SPAG9: variants seen among roughly 807,000 people sequenced by gnomAD.
The protein encoded by SPAG9 is C-Jun-amino-terminal kinase-interacting protein 4.
In SPAG9, 35 loss-of-function variants were observed where a neutral mutation model predicts 166.5. That is an observed-to-expected ratio of 0.21 (90% CI 0.16 to 0.28). The LOEUF (loss-of-function observed/expected upper bound fraction) is 0.28. Among genes scored for constraint, SPAG9 ranks in the 10% least tolerant of loss-of-function variants. SPAG9 has a pLI of 1.00. For synonymous variants in SPAG9, 534 were observed against 565.5 expected (o/e 0.94, Z 0.79); for missense variants, 1,235 against 1,603.3 (o/e 0.77, Z 3.92).
rs572067474 is a variant in SPAG9, at chr17:50,970,790, G to A, written c.3767C>T (p.Ser1256Phe). 3.1e-6 allele frequency: 5 copies of A among 1,613,998 alleles called. No homozygotes were observed. The highest frequency in any genetic ancestry group is 4.2e-6 in the Non-Finnish European group (5 of 1,179,994). ...TDLTGDKAGP[S>F]AQEPGSQTPL... The stretch of plus-strand genomic sequence containing the variant: ...CGTCTGACTACCAGGCTCCTGTGCA[G>A]ATGGCCCTGCTTTGTCACCCGTCAG... The change falls in exon 29 of 30, where the codon TCT becomes TTT. Residue 1256 changes from serine (S) to phenylalanine (F), a missense_variant. Transcript: ENST00000262013.
chr17:51,117,354 T>C (rs1428677819), intron 1 of SPAG9, among the ~76,000 whole-genome samples: 1 of 152,116 alleles, frequency 6.6e-6, no homozygotes, highest in Non-Finnish European at 1.5e-5. Context: ...TGCTTTCAAA[T>C]CACTTTTGCT....
intron 2 of SPAG9, among the ~76,000 whole-genome samples, chr17:51,076,894 C>T (rs981724605): frequency 2.0e-5 from 3 of 151,992 alleles, no homozygotes; most frequent in African/African-American, 7.2e-5. Context: ...GGCATAGTGG[C>T]TCATGTCTGA....
At chr17:51,016,909 GAAAAAAAT>G (rs1377656617) in intron 8 of SPAG9, among the ~76,000 whole-genome samples, 1 of 151,718 alleles carries the variant, frequency 6.6e-6, no homozygotes, top group Non-Finnish European at 1.5e-5. Context: ...TCGGAGGAGG[GAAAAAAAT>G]AAAAAAATAA....
intron 1 of SPAG9, among the ~76,000 whole-genome samples, chr17:51,105,418 C>G (rs958891318): frequency 3.9e-5 from 6 of 152,252 alleles, no homozygotes; most frequent in Admixed American, 2.0e-4. Flanking sequence ...TGAGAGCTAA[C>G]TTTTCTGAAT....
intron 1 of SPAG9, among the ~76,000 whole-genome samples, chr17:51,089,256 T>C (rs2048383151): frequency 6.6e-6 from 1 of 151,384 alleles, no homozygotes; most frequent in East Asian, 2.0e-4. Context: ...AAGCCCTGTC[T>C]CTACTAAAAA....
Position 51,021,300 on chromosome 17 carries a change from T to C in SPAG9, c.849A>G (p.Ser283=). The change falls in exon 7 of 30, where the codon TCA becomes TCG. Residue 283 remains serine, a synonymous_variant. Transcript: ENST00000262013. The part of the protein sequence containing the change: ...KATTPASTAN[S]DVATIPTDTP... ...TATCAGTAGGAATTGTTGCCACATC[T>C]GAATTAGCTGTTGATGCTGGAGTGG... The C allele has an allele frequency of 6.2e-7, 1 of 1,614,132 alleles. No individual in the cohort carries two copies. Among genetic ancestry groups the C allele is most frequent in the Non-Finnish European group, 8.5e-7 (1 of 1,179,982 alleles).
At chr17:51,074,185 G>A (rs1457093998) in intron 2 of SPAG9, among the ~76,000 whole-genome samples, 2 of 150,778 alleles carry the variant, frequency 1.3e-5, no homozygotes, top group Non-Finnish European at 3.0e-5. Flanking sequence ...GCAGTGAGCC[G>A]AGATCACACC....
chr17:51,038,614 T>G (rs536559571), intron 5 of SPAG9, among the ~76,000 whole-genome samples: 1 of 152,124 alleles, frequency 6.6e-6, no homozygotes, highest in African/African-American at 2.4e-5. Context: ...CACTTAAACA[T>G]GCTGAAGTGC....
At chr17:51,118,293 AAAATATAAACTAC>A (rs1210565972) in intron 1 of SPAG9, among the ~76,000 whole-genome samples, 1 of 152,218 alleles carries the variant, frequency 6.6e-6, no homozygotes, top group Admixed American at 6.6e-5. Context: ...TGTAACTGAA[AAAATATAAACTAC>A]AAATAAATTC....
intron 3 of SPAG9, 112 bp from the exon 4 acceptor site, chr17:51,047,581 C>T (rs1406548065): frequency 6.2e-6 from 3 of 482,310 alleles, no homozygotes; most frequent in Admixed American, 3.8e-5. Flanking sequence ...TATCAGACTA[C>T]TCGATTCCAA....
intron 1 of SPAG9, among the ~76,000 whole-genome samples, chr17:51,109,835 C>G (rs2049056955): frequency 6.6e-6 from 1 of 152,026 alleles, no homozygotes; most frequent in African/African-American, 2.4e-5. Context: ...CCTCGGCCCC[C>G]CAAGTAGCTG....
At chr17:51,063,982 G>C (rs1226771434) in intron 2 of SPAG9, among the ~76,000 whole-genome samples, 1 of 151,902 alleles carries the variant, frequency 6.6e-6, no homozygotes, top group Non-Finnish European at 1.5e-5. Context: ...AAATAAAAGG[G>C]TTAAAATATC....
chr17:50,972,900 C>T (rs1217509420), intron 28 of SPAG9, among the ~76,000 whole-genome samples: 2 of 152,200 alleles, frequency 1.3e-5, no homozygotes, highest in African/African-American at 4.8e-5. Flanking sequence ...ACTGGCCTCG[C>T]AACAACCATG....
intron 3 of SPAG9, among the ~76,000 whole-genome samples, chr17:51,055,659 G>A (rs967561513): frequency 6.6e-6 from 1 of 151,914 alleles, no homozygotes; most frequent in African/African-American, 2.4e-5. Context: ...TATAGGACTA[G>A]CAAGGGGAAA....
chr17:50,994,449 T>A (rs1975895463), intron 18 of SPAG9, among the ~76,000 whole-genome samples: 1 of 152,078 alleles, frequency 6.6e-6, no homozygotes, highest in Non-Finnish European at 1.5e-5. Flanking sequence ...TATTAATTAG[T>A]AGATGAAAAA....
intron 29 of SPAG9, among the ~76,000 whole-genome samples, chr17:50,970,041 A>T (rs1973660628): frequency 6.6e-6 from 1 of 152,222 alleles, no homozygotes; most frequent in African/African-American, 2.4e-5. Flanking sequence ...AAATGAACAA[A>T]TGAAGTTGTT....
chr17:51,074,846 A>C lies in SPAG9; in HGVS notation c.424+4738T>G, dbSNP rs535337717. Among the ~76,000 whole-genome samples, 12 of 152,184 alleles carry C rather than the reference A, an allele frequency of 7.9e-5. No individual in the cohort carries two copies. In the South Asian group the frequency reaches 2.5e-3, roughly 32 times the overall value. ...TGGACTGGATAACAAATCTGGGACA[A>C]TGAAAAAAAAATTGACATACTCAAA... On this transcript the variant is annotated intron_variant, in intron 2 of 29. Coordinates refer to ENST00000262013, the MANE Select transcript of SPAG9 (RefSeq NM_001130528.3).
At chr17:51,053,025 G>A (rs1045288285) in intron 3 of SPAG9, among the ~76,000 whole-genome samples, 5 of 151,778 alleles carry the variant, frequency 3.3e-5, no homozygotes, top group African/African-American at 7.3e-5. Flanking sequence ...CTCCAGCCTG[G>A]CGACAGAGCA....
chr17:51,020,110 G>T, intron 8 of SPAG9, 49 bp downstream of exon 8: 2 of 1,104,444 alleles, frequency 1.8e-6, no homozygotes, highest in South Asian at 1.3e-5. Context: ...GTTTATGGGA[G>T]TTGGGGGTGG....
Sources: gnomAD v4.1 joint callset for allele counts (sites outside exome capture counted in the v4.1 genomes callset) on GRCh38, gnomAD v4.1.1 for gene constraint, MANE v1.5 for transcripts, NCBI Gene and HGNC (gene_info 2026-07-23, HGNC 2026-07-21) for gene names.